Variants in MATN2 observed in about 807,000 individuals in gnomAD.
The protein encoded by MATN2 is matrilin 2.
Under a neutral mutation model 103.2 loss-of-function variants are expected in MATN2, and 69 were observed. The observed-to-expected ratio is 0.67, with a 90% CI of 0.55 to 0.82. MATN2 has a LOEUF of 0.82. Among genes scored for constraint, MATN2 ranks in the 40% least tolerant of loss-of-function variants. MATN2 has a pLI of 0.00. For missense variants in MATN2, 1,023 were observed against 1,211.5 expected, an observed-to-expected ratio of 0.84 and a Z score of 2.31; for synonymous variants, 429 against 450.2, an observed-to-expected ratio of 0.95 and a Z score of 0.60.
In MATN2 at chr8:97,979,883, A is replaced by G. The variant is rs370229210; in HGVS notation, c.1081+875A>G. Among the ~76,000 whole-genome samples the G allele has an allele frequency of 9.2e-5, 14 of 152,328 alleles. 1 individual carries two copies. The South Asian group carries it at 2.9e-3, about 32-fold the overall frequency. Reference sequence around the variant, plus strand: ...AAATGTATTCACTATGTAAAACAGGATACATCTGCACAAAACCTTTTTCAA... The same window carrying G: ...AAATGTATTCACTATGTAAAACAGGGTACATCTGCACAAAACCTTTTTCAA... On this transcript the variant is annotated intron_variant, in intron 6 of 18. Coordinates refer to ENST00000254898, the MANE Select transcript of MATN2 (RefSeq NM_002380.5).
At chr8:97,911,799 G>T (rs189156011) in intron 2 of MATN2, among the ~76,000 whole-genome samples, 319 of 152,332 alleles carry the variant, frequency 2.1e-3, no homozygotes, top group Middle Eastern at 0.017. Flanking sequence ...TGGACTCCCA[G>T]TCTGGTGCTT....
chr8:97,987,136 TG>T (rs775725389), intron 6 of MATN2, among the ~76,000 whole-genome samples: 7 of 152,122 alleles, frequency 4.6e-5, no homozygotes, highest in Non-Finnish European at 8.8e-5. Context: ...CCACCACACC[TG>T]GCCTACTTTT....
intron 1 of MATN2, among the ~76,000 whole-genome samples, chr8:97,875,592 A>T (rs537239185): frequency 6.8e-6 from 1 of 146,428 alleles, no homozygotes; most frequent in Non-Finnish European, 1.5e-5. Context: ...GGCAACTACT[A>T]TTTTACCTTC....
intron 10 of MATN2, among the ~76,000 whole-genome samples, chr8:98,012,197 T>C (rs1206005306): frequency 6.6e-6 from 1 of 152,142 alleles, no homozygotes; most frequent in African/African-American, 2.4e-5. Flanking sequence ...AAATATTTAC[T>C]GTGTACCTGC....
At chr8:98,003,477 T>C (rs1812852265) in intron 7 of MATN2, among the ~76,000 whole-genome samples, 184 bp from the exon 8 acceptor site, 3 of 152,246 alleles carry the variant, frequency 2.0e-5, no homozygotes, top group Admixed American at 1.3e-4. Context: ...ATTAAATCTC[T>C]GAATCTAGCT....
At chr8:98,013,590 G>C (rs1487414999) in intron 10 of MATN2, among the ~76,000 whole-genome samples, 1 of 152,182 alleles carries the variant, frequency 6.6e-6, no homozygotes, top group African/African-American at 2.4e-5. Context: ...CTAGGAAAAA[G>C]TCTAAAGGCC....
Position 98,030,468 on chromosome 8 carries a change from C to CT in MATN2, c.2364dup (p.Met789TyrfsTer11). On this transcript the variant is annotated frameshift_variant, in exon 15 of 19. Transcript: ENST00000254898. LOFTEE classifies it high-confidence loss of function. ...AATTTTTCCTGCACCCTAGGTATCACTATGTATGCTGTTGGGGTAGGAAAA... is the reference window on the plus strand; with the variant it reads ...AATTTTTCCTGCACCCTAGGTATCACTTATGTATGCTGTTGGGGTAGGAAAA... 6.2e-7 allele frequency: 1 copy of CT among 1,613,014 alleles called. No homozygotes were observed. The highest frequency in any genetic ancestry group is 1.1e-5 in the South Asian group (1 of 90,892).
chr8:98,028,632 G>A (rs1190807708), intron 14 of MATN2, among the ~76,000 whole-genome samples: 2 of 152,086 alleles, frequency 1.3e-5, no homozygotes, highest in Non-Finnish European at 2.9e-5. Flanking sequence ...TGTCACCGAG[G>A]CTGGAGTGCA....
chr8:98,001,017 G>C (rs948739586), intron 7 of MATN2, among the ~76,000 whole-genome samples: 3 of 152,148 alleles, frequency 2.0e-5, no homozygotes, highest in African/African-American at 7.2e-5. Context: ...GAGACAAGAG[G>C]GTGATGTGTC....
In MATN2 at chr8:97,931,368, C is replaced by A; in HGVS notation, c.558C>A (p.Asp186Glu). The A allele has an allele frequency of 6.2e-7, 1 of 1,613,836 alleles. No homozygotes were observed. The highest frequency in any genetic ancestry group is 1.3e-5 in the African/African-American group (1 of 75,062). ...SVAEVAAKARDTGILIFAIGV... is the reference protein window; with the variant it reads ...SVAEVAAKARETGILIFAIGV... ...CCGAGGTGGCTGCTAAGGCACGGGA[C>A]ACGGGCATCCTAATCTTTGCCATTG... The change falls in exon 3 of 19, where the codon GAC (aspartate) becomes GAA (glutamate). Residue 186 changes from aspartate to glutamate, a missense_variant. By Grantham distance (45) the Asp-to-Glu change is conservative. Transcript: ENST00000254898. This position sits in a 1 kb window ranked among gnomAD's most constrained non-coding sequence, Gnocchi z 4.1.
chr8:98,012,522 C>T (rs915291089), intron 10 of MATN2, among the ~76,000 whole-genome samples: 2 of 152,068 alleles, frequency 1.3e-5, no homozygotes, highest in African/African-American at 4.8e-5. Context: ...GGCCAGAGAG[C>T]GAACTGCAGG....
At chr8:97,963,613 G>C (rs1036557486) in intron 5 of MATN2, among the ~76,000 whole-genome samples, 8 of 152,164 alleles carry the variant, frequency 5.3e-5, no homozygotes. Context: ...GAGCTTTGGC[G>C]TGCTGTTTAT....
intron 1 of MATN2, among the ~76,000 whole-genome samples, chr8:97,886,528 GGCA>G (rs750998114): frequency 6.6e-5 from 10 of 152,180 alleles, no homozygotes; most frequent in Non-Finnish European, 1.2e-4. Flanking sequence ...CCCAGTGCCT[GGCA>G]CATAGGAGAT....
At chr8:97,914,531 C>T (rs150876932) in intron 2 of MATN2, among the ~76,000 whole-genome samples, 24 of 151,470 alleles carry the variant, frequency 1.6e-4, no homozygotes, top group African/African-American at 5.1e-4. Context: ...CCATTACACC[C>T]GGCTACTTTT....
chr8:97,974,857 G>A (rs185886026), intron 5 of MATN2, among the ~76,000 whole-genome samples: 58 of 152,304 alleles, frequency 3.8e-4, no homozygotes, highest in Non-Finnish European at 5.9e-4. Context: ...AAGTTTTAGC[G>A]TGCCTCAGAA....
chr8:97,940,314 AATG>A (rs1218884842), intron 3 of MATN2, among the ~76,000 whole-genome samples: 2 of 152,230 alleles, frequency 1.3e-5, no homozygotes, highest in Non-Finnish European at 2.9e-5. Flanking sequence ...ATTTAAAAAT[AATG>A]ATAACAATAA....
chr8:97,954,367 T>C (rs1159482941), intron 4 of MATN2, among the ~76,000 whole-genome samples: 1 of 152,248 alleles, frequency 6.6e-6, no homozygotes, highest in Admixed American at 6.5e-5. Flanking sequence ...GCTTATAACG[T>C]ATCACAGATT....
intron 2 of MATN2, among the ~76,000 whole-genome samples, chr8:97,901,713 T>TTA (rs1481033049): frequency 2.0e-5 from 3 of 152,160 alleles, no homozygotes; most frequent in African/African-American, 7.2e-5. Flanking sequence ...CAGTCAGGCT[T>TTA]TAGGGTTTGG....
At chr8:97,887,369 G>A (rs979614020) in intron 1 of MATN2, among the ~76,000 whole-genome samples, 3 of 152,114 alleles carry the variant, frequency 2.0e-5, no homozygotes, top group African/African-American at 7.2e-5. Context: ...TTTGAATTCT[G>A]GCTCTGACAC....
Sources: allele counts gnomAD v4.1 joint callset (sites outside exome capture counted in the v4.1 genomes callset), GRCh38; gene constraint gnomAD v4.1.1; non-coding constraint Gnocchi (gnomAD v3.1); transcripts MANE v1.5; gene names NCBI Gene and HGNC (gene_info 2026-07-23, HGNC 2026-07-21).